Variants in PML observed in about 807,000 individuals in gnomAD.
PML encodes protein PML.
Under a neutral mutation model 65.2 loss-of-function variants are expected in PML, and 28 were observed. The observed-to-expected ratio is 0.43, with a 90% confidence interval of 0.32 to 0.59. The LOEUF is 0.59. PML is among the 20% of genes least tolerant of loss of function. The pLI is 0.08. For missense variants in PML, 1,021 were observed against 1,203.4 expected, an observed-to-expected ratio of 0.85 and a Z score of 2.24; for synonymous variants, 500 against 508.8, an observed-to-expected ratio of 0.98 and a Z score of 0.23.
chr15:74,000,736 AT>A (rs891687868), intron 2 of PML, among the ~76,000 whole-genome samples: 13 of 151,624 alleles, frequency 8.6e-5, no homozygotes, highest in African/African-American at 2.2e-4. Flanking sequence ...TTTTTAATTG[AT>A]TTTTTTTCGC....
At chr15:74,033,458 G>T (rs376956597) in intron 6 of PML, 44 bp downstream of exon 6, 95 of 1,606,104 alleles carry the variant, frequency 5.9e-5, no homozygotes, top group Non-Finnish European at 7.6e-5. Context: ...TGCCCGCCAG[G>T]GTCTGGGCGG....
intron 2 of PML, among the ~76,000 whole-genome samples, chr15:74,021,715 G>A (rs909549644): frequency 4.1e-4 from 63 of 151,876 alleles, no homozygotes; most frequent in African/African-American, 1.5e-3. Flanking sequence ...TTACTAAAGT[G>A]TTGTCCATAT....
intron 7 of PML, chr15:74,036,348 A>C: frequency 7.1e-7 from 1 of 1,404,658 alleles, no homozygotes; most frequent in Non-Finnish European, 9.3e-7. Flanking sequence ...TGGCTATCCC[A>C]AGACCTGGCA....
chr15:74,042,912 A>G lies in PML; in HGVS notation c.1711-77A>G. The G allele has an allele frequency of 6.2e-7, 1 of 1,610,006 alleles. No homozygotes were observed. Among genetic ancestry groups the G allele is most frequent in the Non-Finnish European group, 8.5e-7 (1 of 1,179,774 alleles). On this transcript the variant is annotated intron_variant, in intron 7 of 8. Transcript: ENST00000268058. The surrounding 1 kb of genome is among the most constrained non-coding windows in gnomAD (Gnocchi z 5.3). The stretch of plus-strand genomic sequence containing the variant: ...TGTGCACGCAGATGCTCCCAGCTAT[A>G]CCAGCTTGCTAGTGTTCTGCACAGG...
At chr15:74,014,559 C>T (rs566043175) in intron 2 of PML, among the ~76,000 whole-genome samples, 2 of 151,714 alleles carry the variant, frequency 1.3e-5, no homozygotes, top group African/African-American at 4.8e-5. Context: ...GTCAGGAGTT[C>T]GAGACGAGCC....
At chr15:74,018,624 T>TAGGC (rs1176016642) in intron 2 of PML, among the ~76,000 whole-genome samples, 1 of 152,186 alleles carries the variant, frequency 6.6e-6, no homozygotes, top group East Asian at 1.9e-4. Flanking sequence ...GCTGGGACTA[T>TAGGC]AGGCACACAA....
In PML at chr15:74,043,430, T is replaced by TAGACAGGAACACACG; in HGVS notation, c.1861+291_1861+292insAGACAGGAACACACG. The TAGACAGGAACACACG allele has an allele frequency of 2.2e-6, 3 of 1,378,398 alleles. No individual in the cohort carries two copies. Among genetic ancestry groups the TAGACAGGAACACACG allele is most frequent in the Non-Finnish European group, 2.8e-6 (3 of 1,057,924 alleles). 85.4% of individuals were successfully genotyped at this position (1,378,398 alleles called of 1,614,324 possible). ...CAGACAGAGAGCCTGGGGAACACAC[T>TAGACAGGAACACACG]CCTAGACAGAAACACAATGCGTGAG... On this transcript the variant is annotated intron_variant, in intron 8 of 8. Coordinates refer to ENST00000268058, the MANE Select transcript of PML (RefSeq NM_033238.3). The surrounding 1 kb of genome is among the most constrained non-coding windows in gnomAD (Gnocchi z 4.3).
rs374199653 is a variant in PML at position 74,033,405 on chromosome 15, G to A, written c.1648G>A (p.Gly550Arg). The A allele has an allele frequency of 1.7e-5, 28 of 1,612,016 alleles. No individual in the cohort carries two copies. Among genetic ancestry groups the A allele is most frequent in the African/African-American group, 9.3e-5 (7 of 74,910 alleles). Residue 550 changes from glycine (G) to arginine (R), a missense_variant, in exon 6 of 9, where the codon GGG becomes AGG. Gly to Arg is a moderately radical substitution (Grantham distance 125). Transcript: ENST00000268058. The stretch of plus-strand genomic sequence containing the variant: ...CAGCAACCACGTGGCCAGTGGCGCC[G>A]GGGAGGCAGGTAGGGAGGTGGGTAG... ...PNSNHVASGA[G>R]EAEERVVVIS...
At position 74,044,238 on chromosome 15, in the gene PML, C is replaced by G. The variant is rs140558473; in HGVS notation, c.1879C>G (p.Leu627Val). 9.3e-6 allele frequency: 15 copies of G among 1,613,794 alleles called. No homozygotes were observed. The African/African-American group carries it at 2.0e-4, about 22-fold the overall frequency. Residue 627 changes from leucine to valine, a missense_variant, in exon 9 of 9, where the codon CTG becomes GTG. Leu to Val is a conservative substitution (Grantham distance 32). Coordinates refer to ENST00000268058, the MANE Select transcript of PML (RefSeq NM_033238.3). ...IDNETQKISQ[L>V]AAVNRESKFR... ...CTGCCCAGCCCAGAAGATTAGCCAG[C>G]TGGCTGCGGTGAACCGGGAAAGCAA...
chr15:74,000,165 A>G (rs2069695064), intron 2 of PML, among the ~76,000 whole-genome samples: 1 of 152,106 alleles, frequency 6.6e-6, no homozygotes, highest in African/African-American at 2.4e-5. Context: ...GTAAGCTTTC[A>G]TGTTTTGAAC....
intron 2 of PML, among the ~76,000 whole-genome samples, chr15:74,001,776 C>T (rs2141723730): frequency 6.6e-6 from 1 of 152,078 alleles, no homozygotes; most frequent in East Asian, 1.9e-4. Flanking sequence ...AAAAGGTTCT[C>T]TTGCTTAAGG....
chr15:74,044,825 G>A lies in PML; in HGVS notation c.2466G>A (p.Lys822=). 6.2e-7 allele frequency: 1 copy of A among 1,613,248 alleles called. No homozygotes were observed. Among genetic ancestry groups the A allele is most frequent in the Non-Finnish European group, 8.5e-7 (1 of 1,180,026 alleles). Residue 822 remains lysine (K), a synonymous_variant, in exon 9 of 9, where the codon AAG becomes AAA. Coordinates refer to ENST00000268058, the MANE Select transcript of PML (RefSeq NM_033238.3). ...HRRDRQGGLK[K]YSRYLSLQTT... ...GTGACCGGCAGGGGGGCCTGAAGAA[G>A]TACAGCCGCTATCTAAGCCTGCAGA... is the stretch of plus-strand genomic sequence containing the variant.
At position 74,046,029 on chromosome 15, in the gene PML, C is replaced by T. The variant is rs988238173; in HGVS notation, c.*1021C>T. On this transcript the variant is annotated 3_prime_UTR_variant, in exon 9 of 9. Transcript: ENST00000268058. ...TGGAACAGCAGAGAAAGTCCCGTCC[C>T]TATCTCTGACTGTGCAGTGAGTGTG... 3.9e-5 allele frequency: 9 copies of T among 232,794 alleles called. No homozygotes were observed. The highest frequency in any genetic ancestry group is 1.8e-4 in the African/African-American group (8 of 45,328). 14.4% of individuals were successfully genotyped at this position (232,794 alleles called of 1,614,324 possible).
intron 4 of PML, chr15:74,027,949 T>C (rs1330861698): frequency 6.6e-6 from 1 of 152,162 alleles, no homozygotes; most frequent in African/African-American, 2.4e-5. Flanking sequence ...AGCTCTTGGG[T>C]CCGTGTTTCT....
intron 4 of PML, 89 bp from the exon 5 acceptor site, chr15:74,032,483 C>T: frequency 4.1e-6 from 6 of 1,454,322 alleles, no homozygotes; most frequent in Non-Finnish European, 5.8e-6. Flanking sequence ...TTGGTGAGGC[C>T]CCAGGGATTA....
In PML at chr15:74,023,099, G is replaced by A. The variant is rs764605006; in HGVS notation, c.874G>A (p.Ala292Thr). Reference protein sequence around the residue: ...RVRQVVAHVRAQERELLEAVD... With the variant: ...RVRQVVAHVRTQERELLEAVD... ...GCGCCAGGTGGTAGCTCACGTGCGGGCTCAGGAGCGCGAGCTGCTGGAGGC... is the reference window on the plus strand; with the variant it reads ...GCGCCAGGTGGTAGCTCACGTGCGGACTCAGGAGCGCGAGCTGCTGGAGGC... Residue 292 changes from alanine (A) to threonine (T), a missense_variant, in exon 3 of 9, where the codon GCT (alanine) becomes ACT (threonine). Physicochemically the swap from Ala to Thr is moderately conservative, Grantham distance 58 (BLOSUM62 0). Transcript: ENST00000268058. 6.2e-7 allele frequency: 1 copy of A among 1,603,232 alleles called. No homozygotes were observed. Among genetic ancestry groups the A allele is most frequent in the African/African-American group, 1.3e-5 (1 of 74,996 alleles).
rs1235048873 is a variant in PML at position 74,044,843 on chromosome 15, C to T, written c.2484C>T (p.Ser828=). 6.2e-7 allele frequency: 1 copy of T among 1,613,330 alleles called. No individual in the cohort carries two copies. Among genetic ancestry groups the T allele is most frequent in the East Asian group, 2.2e-5 (1 of 44,886 alleles). The change falls in exon 9 of 9, where the codon AGC becomes AGT. Residue 828 remains serine (S), a synonymous_variant. Coordinates refer to ENST00000268058, the MANE Select transcript of PML (RefSeq NM_033238.3). ...GGLKKYSRYL[S]LQTTTLPPAQ... ...TGAAGAAGTACAGCCGCTATCTAAG[C>T]CTGCAGACCACCACGTTGCCCCCTG...
Position 74,023,310 on chromosome 15 carries a change from A to T in PML, c.1085A>T (p.Glu362Val), listed in dbSNP as rs74471420. 3.1e-6 allele frequency: 5 copies of T among 1,608,698 alleles called. No homozygotes were observed. The highest frequency in any genetic ancestry group is 4.2e-6 in the Non-Finnish European group (5 of 1,179,714). ...LRQALCRLRQ[E>V]EPQSLQAAVR... Reference sequence around the variant, plus strand: ...CAGGCGCTCTGCCGCCTGCGCCAGGAGGAGCCCCAGAGCCTGCAAGCTGCC... The same window carrying T: ...CAGGCGCTCTGCCGCCTGCGCCAGGTGGAGCCCCAGAGCCTGCAAGCTGCC... The change falls in exon 3 of 9, where the codon GAG becomes GTG. Residue 362 changes from glutamate (E) to valine (V), a missense_variant. Coordinates refer to ENST00000268058, the MANE Select transcript of PML (RefSeq NM_033238.3).
intron 1 of PML, among the ~76,000 whole-genome samples, chr15:73,997,174 C>G (rs2069551091): frequency 6.6e-6 from 1 of 152,130 alleles, no homozygotes; most frequent in South Asian, 2.1e-4. Flanking sequence ...TTCCATCTGC[C>G]CTGCAGGAAA....
Sources: allele counts gnomAD v4.1 joint callset (sites outside exome capture counted in the v4.1 genomes callset), GRCh38; gene constraint gnomAD v4.1.1; non-coding constraint Gnocchi (gnomAD v3.1); transcripts MANE v1.5; gene names NCBI Gene and HGNC (gene_info 2026-07-23, HGNC 2026-07-21).